Variants in MACF1 observed in about 807,000 individuals in gnomAD.
MACF1 encodes the protein microtubule actin crosslinking factor 1.
In MACF1, 193 loss-of-function variants were observed where a neutral mutation model predicts 854.8. That is an observed-to-expected ratio of 0.23 (90% CI 0.20 to 0.25). The LOEUF (loss-of-function observed/expected upper bound fraction) is 0.25, where lower values mean the gene tolerates loss of function less well. MACF1 is among the 10% of genes least tolerant of loss of function. MACF1 has a pLI of 1.00. For missense variants in MACF1, 7,722 were observed against 8,929.1 expected, an observed-to-expected ratio of 0.86 and a Z score of 5.45; for synonymous variants, 3,185 against 3,226.7, an observed-to-expected ratio of 0.99 and a Z score of 0.44.
At chr1:39,480,418 G>A (rs1313651768) in intron 98 of MACF1, among the ~76,000 whole-genome samples, 1 of 152,136 alleles carries the variant, frequency 6.6e-6, no homozygotes, top group African/African-American at 2.4e-5. Context: ...GAAGACCAGC[G>A]TGGGCAACAT....
chr1:39,406,756 A>AAAAAAAAAAAC (rs746955922), intron 58 of MACF1, among the ~76,000 whole-genome samples: 1,908 of 115,818 alleles, frequency 0.016, 260 homozygotes, highest in African/African-American at 0.049. Flanking sequence ...AAAAAAAAAA[A>AAAAAAAAAAAC]AACATTCTTT....
Position 39,372,606 on chromosome 1 carries a change from G to C in MACF1, c.13213+10G>C. On this transcript the variant is annotated intron_variant, in intron 52 of 100. Transcript: ENST00000564288. ...TCCCAAGGCAAGACAGGTGAGTACA[G>C]GCTCTTCAAAATATAGTGAATAAAA... 1 of 1,561,100 alleles carries C rather than the reference G, an allele frequency of 6.4e-7. No homozygotes were observed. The highest frequency in any genetic ancestry group is 8.8e-7 in the Non-Finnish European group (1 of 1,132,670).
At chr1:39,183,554 A>G (rs143797367) in intron 2 of MACF1, among the ~76,000 whole-genome samples, 123 of 152,316 alleles carry the variant, frequency 8.1e-4, no homozygotes, top group African/African-American at 2.8e-3. Flanking sequence ...CAGGTTTGCA[A>G]TCATTTTTTT....
At chr1:39,294,062 C>T (rs1234928754) in intron 18 of MACF1, among the ~76,000 whole-genome samples, 3 of 152,102 alleles carry the variant, frequency 2.0e-5, no homozygotes, top group African/African-American at 4.8e-5. Context: ...TATTCCCCAA[C>T]GGTTGCATAA....
intron 2 of MACF1, among the ~76,000 whole-genome samples, chr1:39,191,199 CTTT>C (rs10708375): frequency 1.5e-3 from 207 of 135,418 alleles, no homozygotes; most frequent in Middle Eastern, 3.8e-3. Context: ...TTCTTTCTTT[CTTT>C]TTTTTTTTTT....
Position 39,388,507 on chromosome 1 carries a change from A to G in MACF1, c.15665A>G (p.Gln5222Arg). The change falls in exon 58 of 101, where the codon CAG becomes CGG. Residue 5222 changes from glutamine to arginine, a missense_variant. By Grantham distance (43) the Gln-to-Arg change is conservative. Transcript: ENST00000564288. ...GAGAGGGGGAAAGCTCGTCAGGAAC[A>G]GCTGGAACTGACACTAGGCCGTGTA... ...LTERGKARQE[Q>R]LELTLGRVED... 6.2e-7 allele frequency: 1 copy of G among 1,614,220 alleles called. No individual in the cohort carries two copies. Among genetic ancestry groups the G allele is most frequent in the Middle Eastern group, 1.6e-4 (1 of 6,062 alleles).
rs148746904 is a variant in MACF1 at position 39,355,792 on chromosome 1, T to C, written c.11425-1583T>C. Among the ~76,000 whole-genome samples, 1,012 of 152,202 alleles carry C rather than the reference T, an allele frequency of 6.6e-3. 26 individuals are homozygous for C. In the Middle Eastern group the frequency reaches 0.068, roughly 10 times the overall value. ...TTTTATTTTTTAAAGACATGAGGCC[T>C]CACTTTGCCACCCAGGCTGAAGTGC... On this transcript the variant is annotated intron_variant, in intron 44 of 100. Transcript: ENST00000564288.
chr1:39,331,135 A>G, intron 36 of MACF1, 68 bp from the exon 37 acceptor site: 2 of 1,440,262 alleles, frequency 1.4e-6, no homozygotes, highest in African/African-American at 1.6e-5. Flanking sequence ...GTGCTTTGCC[A>G]TTGGCTCTGA....
intron 35 of MACF1, among the ~76,000 whole-genome samples, chr1:39,325,872 T>C (rs1646599988): frequency 6.6e-6 from 1 of 152,180 alleles, no homozygotes; most frequent in Admixed American, 6.5e-5. Flanking sequence ...TGGCTGGGAA[T>C]TTACAAGAGG....
Position 39,385,896 on chromosome 1 carries a change from G to T in MACF1, c.14311G>T (p.Ala4771Ser). 1 of 1,612,840 alleles carries T rather than the reference G, an allele frequency of 6.2e-7. No homozygotes were observed. Among genetic ancestry groups the T allele is most frequent in the Non-Finnish European group, 8.5e-7 (1 of 1,179,020 alleles). ...DELKKRLETV[A>S]LPLQGLEDLA... ...ACTGAAGAAGCGTTTGGAGACAGTT[G>T]CCCTGCCTCTCCAAGGTTTAGAAGA... Residue 4771 changes from alanine (A) to serine (S), a missense_variant, in exon 57 of 101, where the codon GCC becomes TCC. Transcript: ENST00000564288.
chr1:39,331,454 A>ATT lies in MACF1; in HGVS notation c.4866_4867insTT (p.Ser1623LeufsTer21). On this transcript the variant is annotated frameshift_variant, in exon 37 of 101. Coordinates refer to ENST00000564288, the MANE Select transcript of MACF1 (RefSeq NM_001394062.1). LOFTEE classifies it high-confidence loss of function. ...AGCTACAGGATGCCCTGGCCTTAAT[A>ATT]AGCAGGCTTACTGAGAGCAGAGGCC... The ATT allele has an allele frequency of 6.2e-7, 1 of 1,614,116 alleles. No homozygotes were observed. The highest frequency in any genetic ancestry group is 8.5e-7 in the Non-Finnish European group (1 of 1,180,004).
chr1:39,316,305 A>C (rs1327859556), intron 27 of MACF1, 86 bp from the exon 28 acceptor site: 6 of 1,100,526 alleles, frequency 5.5e-6, no homozygotes, highest in South Asian at 2.6e-5. Flanking sequence ...ATTATGTTTT[A>C]TGAACCTCTC....
chr1:39,314,630 C>T (rs77086991), intron 26 of MACF1, among the ~76,000 whole-genome samples: 2 of 148,796 alleles, frequency 1.3e-5, no homozygotes, highest in African/African-American at 4.9e-5. Flanking sequence ...TATTTGTCTC[C>T]CCATCCAGTT....
chr1:39,284,062 A>T lies in MACF1; in HGVS notation c.916-4A>T. 2 of 1,613,456 alleles carry T rather than the reference A, an allele frequency of 1.2e-6. No homozygotes were observed. The highest frequency in any genetic ancestry group is 1.7e-6 in the Non-Finnish European group (2 of 1,179,776). The stretch of plus-strand genomic sequence containing the variant: ...GGTGTGTGATGTTTACCTTCTGGCA[A>T]TAGGAAGTGGACTCCAGGTGGCAAG... On this transcript the variant is annotated splice_polypyrimidine_tract_variant and splice_region_variant and intron_variant, in intron 9 of 100. Transcript: ENST00000564288.
At position 39,486,474 on chromosome 1, in the gene MACF1, G is replaced by C. The variant is rs117993747; in HGVS notation, c.*680G>C. 5.9e-5 allele frequency: 9 copies of C among 152,732 alleles called. No individual in the cohort carries two copies. Among genetic ancestry groups the C allele is most frequent in the African/African-American group, 2.2e-4 (9 of 41,552 alleles). 9.5% of individuals were successfully genotyped at this position (152,732 alleles called of 1,614,324 possible). On this transcript the variant is annotated 3_prime_UTR_variant, in exon 101 of 101. Transcript: ENST00000564288. ...GGGTAAATGTAAGTGTTCAGAAAAC[G>C]TCAGAACATTTGGGGTTTTAAACTG...
intron 64 of MACF1, 74 bp downstream of exon 64, chr1:39,429,400 C>G: frequency 1.2e-6 from 1 of 807,804 alleles, no homozygotes; most frequent in East Asian, 2.5e-5. Flanking sequence ...AAGGAGTTCC[C>G]TGCCTTAGCC....
chr1:39,326,435 C>T (rs527438912), intron 35 of MACF1, among the ~76,000 whole-genome samples: 1 of 152,132 alleles, frequency 6.6e-6, no homozygotes, highest in East Asian at 1.9e-4. Context: ...AATCCCAGTA[C>T]TTTGGGAGGC....
intron 92 of MACF1, among the ~76,000 whole-genome samples, chr1:39,461,314 A>C (rs563021614): frequency 6.6e-6 from 1 of 152,242 alleles, no homozygotes; most frequent in African/African-American, 2.4e-5. Context: ...TGTGGAGTGG[A>C]TGAGTATATT....
intron 2 of MACF1, among the ~76,000 whole-genome samples, chr1:39,194,341 CTTTTCTTTTCTTTTTTTTTTTTTT>C (rs578140018): frequency 0.015 from 1,054 of 70,038 alleles, 15 homozygotes; most frequent in African/African-American, 0.056. Flanking sequence ...CTTTTCTTTT[CTTTTCTTTTCTTTTTTTTTTTTTT>C]TTTTTTGTGA....
Sources: gnomAD v4.1 joint callset for allele counts (sites outside exome capture counted in the v4.1 genomes callset) on GRCh38, gnomAD v4.1.1 for gene constraint, MANE v1.5 for transcripts, NCBI Gene and HGNC (gene_info 2026-07-23, HGNC 2026-07-21) for gene names.